Variants in MRTFB observed in about 807,000 individuals in gnomAD.
The protein encoded by MRTFB is myocardin related transcription factor B.
MRTFB carries 29 observed loss-of-function variants against 104.2 expected under a neutral mutation model. That is an observed-to-expected ratio of 0.28 (90% confidence interval 0.21 to 0.38). The LOEUF (loss-of-function observed/expected upper bound fraction) is 0.38, where lower values mean the gene tolerates loss of function less well. Ranked by LOEUF, MRTFB falls within the 10% of genes least tolerant of loss-of-function variation. MRTFB has a pLI of 1.00. For synonymous variants in MRTFB, 535 were observed against 519.5 expected, an observed-to-expected ratio of 1.03 and a Z score of -0.41; for missense variants, 1,270 against 1,341.6, an observed-to-expected ratio of 0.95 and a Z score of 0.83.
chr16:14,018,079 CA>C, the MRTFB span, among the ~76,000 whole-genome samples: 1 of 151,932 alleles, frequency 6.6e-6, no homozygotes, highest in Non-Finnish European at 1.5e-5. Flanking sequence ...CTTGTATCCA[CA>C]TAAAAACATA....
At chr16:14,088,414 C>T (rs1341529808) in intron 2 of MRTFB, among the ~76,000 whole-genome samples, 1 of 152,196 alleles carries the variant, frequency 6.6e-6, no homozygotes, top group African/African-American at 2.4e-5. Context: ...GACTTGAATA[C>T]GGATCTCTCT....
At chr16:14,249,668 T>C (rs2043171238) in intron 13 of MRTFB, among the ~76,000 whole-genome samples, 1 of 152,218 alleles carries the variant, frequency 6.6e-6, no homozygotes, top group South Asian at 2.1e-4. Flanking sequence ...TTCAGTGTCC[T>C]CTACACAAAT....
chr16:14,143,592 T>C (rs1039172265), intron 3 of MRTFB: 6 of 151,846 alleles, frequency 4.0e-5, no homozygotes, highest in African/African-American at 1.5e-4. Flanking sequence ...ACATGCGCCA[T>C]GTTGGTGTGC....
chr16:14,127,944 T>TTTC (rs2037239409), intron 2 of MRTFB, among the ~76,000 whole-genome samples: 1 of 121,634 alleles, frequency 8.2e-6, no homozygotes, highest in Non-Finnish European at 1.6e-5. Context: ...TTTTTTTTTT[T>TTTC]TTTTTTTCTT....
chr16:14,061,944 T>G, the MRTFB span, among the ~76,000 whole-genome samples: 1 of 152,168 alleles, frequency 6.6e-6, no homozygotes, highest in Non-Finnish European at 1.5e-5. Context: ...TGTAAATATT[T>G]GGGCTTCAAA....
chr16:14,172,712 A>C (rs943606083), intron 3 of MRTFB, among the ~76,000 whole-genome samples: 1 of 152,142 alleles, frequency 6.6e-6, no homozygotes. Flanking sequence ...CATTTTTACC[A>C]TCTAATGTTT....
At chr16:14,212,269 A>G (rs1567174280) in intron 4 of MRTFB, 85 bp from the exon 5 acceptor site, 2 of 1,323,784 alleles carry the variant, frequency 1.5e-6, no homozygotes, top group Non-Finnish European at 1.1e-6. Context: ...TCTGTTAATA[A>G]TAGGGTTATC....
chr16:14,213,407 C>G lies in MRTFB; in HGVS notation c.277-138C>G, dbSNP rs1184912918. 1.9e-5 allele frequency: 10 copies of G among 536,612 alleles called. No homozygotes were observed. In the African/African-American group the frequency reaches 1.9e-4, roughly 10 times the overall value. The allele number at this position is 536,612 out of a possible 1,614,324, so 33.2% of individuals were successfully genotyped here. A position where few individuals can be genotyped will look rare whatever the true frequency, so the allele number is the denominator to read the frequency against. On this transcript the variant is annotated intron_variant, in intron 5 of 16. Coordinates refer to ENST00000571589, the MANE Select transcript of MRTFB (RefSeq NM_001308142.2). ...AATCATGTGTTGGATACTAGTTTTT[C>G]TAAGTGCTAATTTCTACTCTTCGTC...
chr16:14,024,050 CA>C, the MRTFB span, among the ~76,000 whole-genome samples: 330 of 140,732 alleles, frequency 2.3e-3, 1 homozygote, highest in African/African-American at 5.6e-3. Flanking sequence ...GACTCCATCT[CA>C]AAAAAAAAAA....
intron 2 of MRTFB, among the ~76,000 whole-genome samples, chr16:14,107,191 G>A (rs894021192): frequency 8.5e-5 from 13 of 152,174 alleles, no homozygotes; most frequent in African/African-American, 1.9e-4. Context: ...AGCCGAGACC[G>A]TGCCACTGCA....
At chr16:14,061,661 C>T in the MRTFB span, among the ~76,000 whole-genome samples, 1 of 151,088 alleles carries the variant, frequency 6.6e-6, no homozygotes, top group African/African-American at 2.4e-5. Context: ...CCTCCAGACC[C>T]TCAGCTCTAC....
At chr16:14,124,212 A>G (rs2036992652) in intron 2 of MRTFB, among the ~76,000 whole-genome samples, 1 of 152,250 alleles carries the variant, frequency 6.6e-6, no homozygotes, top group Non-Finnish European at 1.5e-5. Flanking sequence ...ATCTGCAAAC[A>G]GAGACAATTT....
chr16:14,119,036 T>C (rs1278907808), intron 2 of MRTFB, among the ~76,000 whole-genome samples: 1 of 152,232 alleles, frequency 6.6e-6, no homozygotes, highest in Admixed American at 6.5e-5. Context: ...GTCTCGTGCA[T>C]GTTTGACAGC....
chr16:14,056,209 C>A, the MRTFB span, among the ~76,000 whole-genome samples: 4 of 152,030 alleles, frequency 2.6e-5, no homozygotes, highest in Non-Finnish European at 5.9e-5. Flanking sequence ...GAACTCCTGA[C>A]CTCAAGGGAT....
chr16:14,256,457 T>G (rs1244003473), intron 15 of MRTFB, among the ~76,000 whole-genome samples: 1 of 152,226 alleles, frequency 6.6e-6, no homozygotes, highest in Non-Finnish European at 1.5e-5. Context: ...GGTGATGGTG[T>G]GTGACTCCAG....
At chr16:14,245,399 C>A in intron 10 of MRTFB, 129 bp from the exon 11 acceptor site, 1 of 738,982 alleles carries the variant, frequency 1.4e-6, no homozygotes, top group Non-Finnish European at 2.1e-6. Flanking sequence ...GGCATCTTTA[C>A]AATATTCAGC....
chr16:14,181,384 C>T (rs2039765954), intron 3 of MRTFB, among the ~76,000 whole-genome samples: 1 of 152,056 alleles, frequency 6.6e-6, no homozygotes, highest in Non-Finnish European at 1.5e-5. Context: ...CTGAAATTTT[C>T]CTTCCTAAAT....
chr16:14,225,804 A>C (rs768598994), intron 8 of MRTFB, among the ~76,000 whole-genome samples: 1 of 152,202 alleles, frequency 6.6e-6, no homozygotes, highest in Non-Finnish European at 1.5e-5. Context: ...TATTCTTTAT[A>C]TAGCAAGCTT....
chr16:14,131,777 T>TA (rs2037451701), intron 2 of MRTFB, among the ~76,000 whole-genome samples: 3 of 138,250 alleles, frequency 2.2e-5, no homozygotes, highest in Admixed American at 6.8e-5. Context: ...TAACTATAAT[T>TA]TAAAAAAAAA....
Sources: allele counts gnomAD v4.1 joint callset (sites outside exome capture counted in the v4.1 genomes callset), GRCh38; gene constraint gnomAD v4.1.1; transcripts MANE v1.5; gene names NCBI Gene and HGNC (gene_info 2026-07-23, HGNC 2026-07-21).